The following COL25A1 variants were observed in gnomAD, a reference collection of about 807,000 sequenced individuals.
COL25A1 encodes collagen type XXV alpha 1 chain.
A neutral mutation model predicts 128.4 loss-of-function variants in COL25A1; 103 were observed. The ratio of observed to expected loss-of-function variants is 0.80; its 90% confidence interval spans 0.68 to 0.94. The LOEUF is 0.94. Ranked by LOEUF, COL25A1 falls within the 40% of genes least tolerant of loss-of-function variation. The pLI, the probability that COL25A1 is intolerant of heterozygous loss-of-function variation, is 0.00. For missense variants in COL25A1, 745 were observed against 840.0 expected (o/e 0.89, Z 1.40); for synonymous variants, 279 against 277.2 (o/e 1.01, Z -0.06).
intron 20 of COL25A1, among the ~76,000 whole-genome samples, chr4:108,868,692 AAGGGAAGGAAGAAAGGAAGG>A (rs1480669122): frequency 1.4e-5 from 2 of 147,126 alleles, no homozygotes; most frequent in African/African-American, 5.0e-5. Context: ...AAGGGAAGCG[AAGGGAAGGAAGAAAGGAAGG>A]AGGGAAGGAA....
chr4:108,905,654 T>C (rs977503716), intron 13 of COL25A1, among the ~76,000 whole-genome samples: 2 of 152,072 alleles, frequency 1.3e-5, no homozygotes, highest in African/African-American at 2.4e-5. Flanking sequence ...TCTGTTTCTA[T>C]TGAGCATTGG....
chr4:108,939,836 A>G (rs1747871606), intron 10 of COL25A1, among the ~76,000 whole-genome samples: 1 of 152,118 alleles, frequency 6.6e-6, no homozygotes, highest in Admixed American at 6.6e-5. Context: ...ATGAAATCAA[A>G]CCATTTATCT....
chr4:109,299,680 T>C (rs561246312), intron 3 of COL25A1, among the ~76,000 whole-genome samples: 2 of 152,298 alleles, frequency 1.3e-5, no homozygotes, highest in South Asian at 4.1e-4. Context: ...TGAGTGATGA[T>C]AAAAGAAACT....
chr4:109,118,165 C>G (rs1767778074), intron 3 of COL25A1, among the ~76,000 whole-genome samples: 1 of 151,450 alleles, frequency 6.6e-6, no homozygotes. Context: ...ACTTTGTCTC[C>G]AAGAAATCCA....
chr4:109,172,326 A>C (rs1328007924), intron 3 of COL25A1, among the ~76,000 whole-genome samples: 1 of 152,204 alleles, frequency 6.6e-6, no homozygotes, highest in African/African-American at 2.4e-5. Context: ...AAAATGCGAT[A>C]AGATATAATC....
intron 16 of COL25A1, among the ~76,000 whole-genome samples, chr4:108,896,413 C>G (rs1020993265): frequency 6.6e-6 from 1 of 152,142 alleles, no homozygotes; most frequent in Non-Finnish European, 1.5e-5. Context: ...TTACTGAAAA[C>G]TTAGCTACAC....
intron 6 of COL25A1, among the ~76,000 whole-genome samples, chr4:108,981,536 T>TA (rs1198837413): frequency 1.3e-5 from 2 of 152,100 alleles, no homozygotes; most frequent in Non-Finnish European, 2.9e-5. Context: ...AATGCTTCAG[T>TA]AAAAAAGTTA....
At chr4:109,219,813 C>G (rs960818096) in intron 3 of COL25A1, among the ~76,000 whole-genome samples, 1 of 152,102 alleles carries the variant, frequency 6.6e-6, no homozygotes, top group Non-Finnish European at 1.5e-5. Flanking sequence ...TATAAAATTA[C>G]AAAGTGCCAA....
At chr4:108,838,591 A>G (rs1734074276) in intron 31 of COL25A1, among the ~76,000 whole-genome samples, 1 of 152,230 alleles carries the variant, frequency 6.6e-6, no homozygotes, top group Non-Finnish European at 1.5e-5. Context: ...GGACAGGGTT[A>G]TAGACAGATA....
At chr4:109,003,725 C>T (rs186911405) in intron 6 of COL25A1, among the ~76,000 whole-genome samples, 7 of 152,214 alleles carry the variant, frequency 4.6e-5, no homozygotes, top group East Asian at 1.9e-4. Context: ...AGTTTGAACC[C>T]GGGAGGCAGG....
chr4:109,019,035 G>C (rs1579102769), intron 5 of COL25A1, among the ~76,000 whole-genome samples: 1 of 152,272 alleles, frequency 6.6e-6, no homozygotes, highest in East Asian at 1.9e-4. Flanking sequence ...TCCTGGCTGT[G>C]TCTGTGTGGG....
chr4:108,821,915 T>C (rs890823280), intron 35 of COL25A1, among the ~76,000 whole-genome samples: 18 of 152,276 alleles, frequency 1.2e-4, no homozygotes, highest in Non-Finnish European at 2.4e-4. Context: ...TCATGGAAGC[T>C]GAACATGGAA....
intron 5 of COL25A1, among the ~76,000 whole-genome samples, chr4:109,045,281 C>T (rs1178926150): frequency 6.6e-6 from 1 of 152,102 alleles, no homozygotes; most frequent in African/African-American, 2.4e-5. Flanking sequence ...CAAAAGTTAT[C>T]TGTGGATTTC....
Position 108,848,897 on chromosome 4 carries a change from T to C in COL25A1, c.1390-94A>G, listed in dbSNP as rs1380787853. ...GATGCTAGTTTGTTAACACCACAAT[T>C]TGACTTTCAGCAAATGCATCATAAC... is the stretch of plus-strand genomic sequence containing the variant. On this transcript the variant is annotated intron_variant, in intron 26 of 37. Coordinates refer to ENST00000399132, the MANE Select transcript of COL25A1 (RefSeq NM_198721.4). 1.4e-5 allele frequency: 13 copies of C among 907,250 alleles called. No individual in the cohort carries two copies. The East Asian group carries it at 1.7e-4, about 12-fold the overall frequency. 56.2% of individuals were successfully genotyped at this position (907,250 alleles called of 1,614,324 possible).
intron 31 of COL25A1, among the ~76,000 whole-genome samples, chr4:108,839,996 C>T (rs1395916991): frequency 6.6e-6 from 1 of 151,942 alleles, no homozygotes; most frequent in Non-Finnish European, 1.5e-5. Context: ...AATCCCAGCA[C>T]TTTGGGAGGC....
chr4:109,036,196 G>A (rs1220188806), intron 5 of COL25A1, among the ~76,000 whole-genome samples: 1 of 151,856 alleles, frequency 6.6e-6, no homozygotes, highest in Non-Finnish European at 1.5e-5. Flanking sequence ...CAAAGTGCTG[G>A]GATTACAGGC....
At chr4:108,898,284 C>T (rs1050621344) in intron 15 of COL25A1, among the ~76,000 whole-genome samples, 4 of 151,872 alleles carry the variant, frequency 2.6e-5, no homozygotes, top group Admixed American at 6.6e-5. Context: ...GGTTTTTTTT[C>T]TTTACAATGT....
intron 3 of COL25A1, among the ~76,000 whole-genome samples, chr4:109,060,074 C>G (rs1461448334): frequency 1.3e-5 from 2 of 152,316 alleles, no homozygotes; most frequent in East Asian, 3.9e-4. Context: ...AAACTAACCT[C>G]TCAGAAACCC....
At chr4:109,198,087 C>T (rs1024825774) in intron 3 of COL25A1, among the ~76,000 whole-genome samples, 1 of 151,852 alleles carries the variant, frequency 6.6e-6, no homozygotes, top group African/African-American at 2.4e-5. Flanking sequence ...CAATTGTTTG[C>T]TTTTACTTTG....
Sources: allele counts gnomAD v4.1 joint callset (sites outside exome capture counted in the v4.1 genomes callset), GRCh38; gene constraint gnomAD v4.1.1; transcripts MANE v1.5; gene names NCBI Gene and HGNC (gene_info 2026-07-23, HGNC 2026-07-21).